Variants in ZFAT observed in about 807,000 individuals in gnomAD.
ZFAT encodes the protein zinc finger and AT-hook domain containing.
In ZFAT, 64 loss-of-function variants were observed where a neutral mutation model predicts 117.7. That is an observed-to-expected ratio of 0.54 (90% CI 0.44 to 0.67). The LOEUF (loss-of-function observed/expected upper bound fraction) is 0.67, where lower values mean the gene tolerates loss of function less well. Among genes scored for constraint, ZFAT ranks in the 30% least tolerant of loss-of-function variants. ZFAT has a pLI of 0.00. For missense variants in ZFAT, 1,433 were observed against 1,584.5 expected (o/e 0.90, Z 1.62); for synonymous variants, 679 against 615.0 (o/e 1.10, Z -1.54).
the ZFAT span, among the ~76,000 whole-genome samples, chr8:134,728,055 G>A: frequency 2.0e-5 from 3 of 152,200 alleles, no homozygotes; most frequent in Non-Finnish European, 2.9e-5. Context: ...GAGCAGAGGA[G>A]TACCTGAAAT....
At chr8:134,786,870 G>A in the ZFAT span, among the ~76,000 whole-genome samples, 1 of 144,676 alleles carries the variant, frequency 6.9e-6, no homozygotes. Flanking sequence ...TTTTAGACAG[G>A]CAGGGTCTTG....
chr8:134,696,914 C>A (rs1222579906), intron 1 of ZFAT, among the ~76,000 whole-genome samples: 2 of 151,518 alleles, frequency 1.3e-5, no homozygotes, highest in African/African-American at 4.9e-5. Context: ...GGAAACTAAT[C>A]CAACAATTTT....
At chr8:134,544,495 G>C in intron 11 of ZFAT, among the ~76,000 whole-genome samples, 1 of 142,770 alleles carries the variant, frequency 7.0e-6, no homozygotes, top group Non-Finnish European at 1.6e-5. Context: ...ACATCATAAA[G>C]AAAGTGAAGA....
Position 134,637,672 on chromosome 8 carries a change from C to T in ZFAT, c.237G>A (p.Gly79=), listed in dbSNP as rs200457313. ...CTTCTGTGCTGGACTTCTTCGTGGA[C>T]CCCTTAGGCCTGCCTCTCTTCCTCT... ...VMKRKRGRPK[G]STKKSSTEEE... is the part of the protein sequence containing the mutation. The change falls in exon 3 of 16, where the codon GGG becomes GGA. Residue 79 remains glycine, a synonymous_variant. Transcript: ENST00000377838. 1.6e-3 allele frequency: 2,560 copies of T among 1,614,154 alleles called. 4 individuals carry two copies. The highest frequency in any genetic ancestry group is 2.0e-3 in the Non-Finnish European group (2,373 of 1,180,048).
At chr8:134,771,278 A>T in the ZFAT span, among the ~76,000 whole-genome samples, 2 of 152,194 alleles carry the variant, frequency 1.3e-5, no homozygotes, top group Non-Finnish European at 2.9e-5. Context: ...AATCTGGCTG[A>T]TGCTTAAAGA....
intron 15 of ZFAT, 59 bp downstream of exon 15, chr8:134,509,560 G>C: frequency 6.2e-7 from 1 of 1,607,150 alleles, no homozygotes; most frequent in Non-Finnish European, 8.5e-7. Context: ...ACAGGGAGAA[G>C]GAGAGAACCT....
chr8:134,622,662 G>T (rs1457451158), intron 3 of ZFAT, among the ~76,000 whole-genome samples: 1 of 152,074 alleles, frequency 6.6e-6, no homozygotes, highest in East Asian at 1.9e-4. Flanking sequence ...AGCTCCCAAG[G>T]CTGACCAGTA....
chr8:134,791,864 G>A, the ZFAT span, among the ~76,000 whole-genome samples: 2 of 152,040 alleles, frequency 1.3e-5, no homozygotes, highest in Admixed American at 1.3e-4. Context: ...AAAAAGCTTT[G>A]TCTTTGTGAA....
intron 1 of ZFAT, among the ~76,000 whole-genome samples, chr8:134,703,969 C>T (rs1466331591): frequency 6.6e-6 from 1 of 152,168 alleles, no homozygotes; most frequent in African/African-American, 2.4e-5. Flanking sequence ...TCCCAATCCT[C>T]CTCTATGAAA....
At chr8:134,594,776 T>A (rs1826801851) in intron 7 of ZFAT, 2 of 152,236 alleles carry the variant, frequency 1.3e-5, no homozygotes, top group South Asian at 4.1e-4. Flanking sequence ...CACTTCTAAG[T>A]CCCAGAGTCA....
intron 15 of ZFAT, among the ~76,000 whole-genome samples, chr8:134,481,134 A>C (rs1027644707): frequency 1.3e-5 from 2 of 152,170 alleles, no homozygotes; most frequent in East Asian, 3.8e-4. Context: ...AATTTCATTT[A>C]ACTGGGAAAA....
At chr8:134,829,973 C>G in the ZFAT span, among the ~76,000 whole-genome samples, 1 of 152,124 alleles carries the variant, frequency 6.6e-6, no homozygotes, top group African/African-American at 2.4e-5. Context: ...ACAATAAACG[C>G]TCGATAAAAA....
chr8:134,779,487 A>G, the ZFAT span, among the ~76,000 whole-genome samples: 2 of 152,194 alleles, frequency 1.3e-5, no homozygotes. Flanking sequence ...GTGGGAATTC[A>G]CCGTCTATAC....
At chr8:134,730,103 G>A in the ZFAT span, among the ~76,000 whole-genome samples, 2 of 152,284 alleles carry the variant, frequency 1.3e-5, no homozygotes, top group Admixed American at 6.5e-5. Flanking sequence ...TCCCACTTGT[G>A]TCAGGGAGAA....
Position 134,512,459 on chromosome 8 carries a change from G to C in ZFAT, c.3361+16C>G. The C allele has an allele frequency of 6.2e-7, 1 of 1,611,988 alleles. No individual in the cohort carries two copies. The highest frequency in any genetic ancestry group is 8.5e-7 in the Non-Finnish European group (1 of 1,179,030). The stretch of plus-strand genomic sequence containing the variant: ...AGACAGTTCTGAGATGGCAAAGGAA[G>C]ACCAGGCGTCCTCACCACTCTCAGA... On this transcript the variant is annotated intron_variant, in intron 14 of 15. Coordinates refer to ENST00000377838, the MANE Select transcript of ZFAT (RefSeq NM_020863.4).
chr8:134,592,453 C>G (rs1035005911), intron 7 of ZFAT, among the ~76,000 whole-genome samples: 1 of 152,178 alleles, frequency 6.6e-6, no homozygotes, highest in Non-Finnish European at 1.5e-5. Flanking sequence ...CCCCTGGGTT[C>G]AAATCTTGGT....
chr8:134,592,052 C>T (rs1826546697), intron 7 of ZFAT, among the ~76,000 whole-genome samples: 1 of 152,184 alleles, frequency 6.6e-6, no homozygotes, highest in South Asian at 2.1e-4. Context: ...TTCAGAACTA[C>T]CACTGCAAGG....
chr8:134,495,561 T>A (rs1381871145), intron 15 of ZFAT, among the ~76,000 whole-genome samples: 1 of 152,178 alleles, frequency 6.6e-6, no homozygotes, highest in African/African-American at 2.4e-5. Context: ...GGTCAAATGA[T>A]TTTGAGCCAC....
At chr8:134,705,510 C>T (rs1834127498) in intron 1 of ZFAT, among the ~76,000 whole-genome samples, 1 of 151,826 alleles carries the variant, frequency 6.6e-6, no homozygotes, top group African/African-American at 2.4e-5. Context: ...AGCCACCACA[C>T]TCAGCCCCCA....
Sources: gnomAD v4.1 joint callset for allele counts (sites outside exome capture counted in the v4.1 genomes callset) on GRCh38, gnomAD v4.1.1 for gene constraint, MANE v1.5 for transcripts, NCBI Gene and HGNC (gene_info 2026-07-23, HGNC 2026-07-21) for gene names.